The following ITGAD variants were observed in gnomAD, a reference collection of about 807,000 sequenced individuals.
ITGAD encodes the protein integrin alpha-D.
In ITGAD, 105 loss-of-function variants were observed where a neutral mutation model predicts 139.0. The observed-to-expected ratio is 0.76, with a 90% confidence interval of 0.65 to 0.89. ITGAD has a LOEUF of 0.89. ITGAD is among the 40% of genes least tolerant of loss of function. The pLI, the probability that ITGAD is intolerant of heterozygous loss-of-function variation, is 0.00. For synonymous variants in ITGAD, 569 were observed against 598.3 expected (o/e 0.95, Z 0.71); for missense variants, 1,384 against 1,487.3 (o/e 0.93, Z 1.14).
chr16:31,407,041 G>A (rs1360918536), intron 7 of ITGAD, among the ~76,000 whole-genome samples: 1 of 152,162 alleles, frequency 6.6e-6, no homozygotes, highest in African/African-American at 2.4e-5. Flanking sequence ...ATCTAATTAT[G>A]GTTTGTGTGG....
chr16:31,424,181 A>G lies in ITGAD; in HGVS notation c.3239A>G (p.Gln1080Arg), dbSNP rs529191821. 6.2e-7 allele frequency: 1 copy of G among 1,614,260 alleles called. No individual in the cohort carries two copies. Among genetic ancestry groups the G allele is most frequent in the South Asian group, 1.1e-5 (1 of 91,090 alleles). The change falls in exon 28 of 30, where the codon CAG becomes CGG. Residue 1080 changes from glutamine (Q) to arginine (R), a missense_variant. By Grantham distance (43) the Gln-to-Arg change is conservative (BLOSUM62 1). Coordinates refer to ENST00000389202, the MANE Select transcript of ITGAD (RefSeq NM_005353.3). ...DTSVYSQLPG[Q>R]EAFMRAQMEM... is the part of the protein sequence containing the mutation. ...TCCGTGTACTCCCAGCTTCCAGGAC[A>G]GGAGGCATTTATGAGAGCTCAGGTA...
rs775052777 is a variant in ITGAD at position 31,410,786 on chromosome 16, G to A, written c.1264G>A (p.Gly422Arg). Residue 422 changes from glycine (G) to arginine (R), a missense_variant, in exon 12 of 30, where the codon GGG (glycine) becomes AGG (arginine). Gly to Arg is a moderately radical substitution (Grantham distance 125, BLOSUM62 -2). Coordinates refer to ENST00000389202, the MANE Select transcript of ITGAD (RefSeq NM_005353.3). ...LWKGVQNLVL[G>R]APRYQHTGKA... Reference sequence around the variant, plus strand: ...GAAGGGGGTACAGAACCTGGTCCTGGGGGCCCCCCGCTACCAGCATACCGG... The same window carrying A: ...GAAGGGGGTACAGAACCTGGTCCTGAGGGCCCCCCGCTACCAGCATACCGG... The A allele has an allele frequency of 2.5e-6, 4 of 1,613,778 alleles. No homozygotes were observed. In the Admixed American group the frequency reaches 6.7e-5, roughly 27 times the overall value.
At position 31,410,818 on chromosome 16, in the gene ITGAD, T is replaced by G. The variant is rs1201761512; in HGVS notation, c.1296T>G (p.Ala432=). Reference sequence around the variant, plus strand: ...CCCGCTACCAGCATACCGGGAAGGCTGTCATCTTCACCCAGGTGTCCAGGC... The same window carrying G: ...CCCGCTACCAGCATACCGGGAAGGCGGTCATCTTCACCCAGGTGTCCAGGC... ...GAPRYQHTGK[A]VIFTQVSRQW... The change falls in exon 12 of 30, where the codon GCT becomes GCG. Residue 432 remains alanine (A), a synonymous_variant. Transcript: ENST00000389202. 2 of 1,613,512 alleles carry G rather than the reference T, an allele frequency of 1.2e-6. No homozygotes were observed. Among genetic ancestry groups the G allele is most frequent in the Non-Finnish European group, 8.5e-7 (1 of 1,179,872 alleles).
At position 31,393,348 on chromosome 16, in the gene ITGAD, G is replaced by A. The variant is rs376827502; in HGVS notation, c.-13G>A. On this transcript the variant is annotated 5_prime_UTR_variant, in exon 1 of 30. Coordinates refer to ENST00000389202, the MANE Select transcript of ITGAD (RefSeq NM_005353.3). ...CCCCAACCTTCCACTTCCCCTCAAC[G>A]CGCTGCTCAGGGATGACCTTCGGCA... The A allele has an allele frequency of 2.2e-5, 35 of 1,614,070 alleles. No individual in the cohort carries two copies. The African/African-American group carries it at 2.8e-4, about 13-fold the overall frequency.
In ITGAD at chr16:31,393,407, G is replaced by C. The variant is rs771710652; in HGVS notation, c.31+16G>C. ...CTTCTGAGTGGTAAGTGGGGCCAGGGTGCTGGGGAGAAGCTTGGAGGAGTT... is the reference window on the plus strand; with the variant it reads ...CTTCTGAGTGGTAAGTGGGGCCAGGCTGCTGGGGAGAAGCTTGGAGGAGTT... On this transcript the variant is annotated intron_variant, in intron 1 of 29. Transcript: ENST00000389202. 1 of 1,613,982 alleles carries C rather than the reference G, an allele frequency of 6.2e-7. No homozygotes were observed.
Position 31,400,301 on chromosome 16 carries a change from A to G in ITGAD, c.428-1814A>G, listed in dbSNP as rs79712421. ...AGCACCCTTGAAGCACCAGTGGTTGAGCAAGTGGGGTAGGGGAGAGGAAAG... is the reference window on the plus strand; with the variant it reads ...AGCACCCTTGAAGCACCAGTGGTTGGGCAAGTGGGGTAGGGGAGAGGAAAG... On this transcript the variant is annotated intron_variant, in intron 5 of 29. Transcript: ENST00000389202. Among the ~76,000 whole-genome samples, 630 of 152,284 alleles carry G rather than the reference A, an allele frequency of 4.1e-3. 3 individuals are homozygous for G. Among genetic ancestry groups the G allele is most frequent in the African/African-American group, 0.013 (520 of 41,568 alleles).
intron 23 of ITGAD, 66 bp downstream of exon 23, chr16:31,418,630 TC>T: frequency 8.3e-7 from 1 of 1,211,510 alleles, no homozygotes. Flanking sequence ...TCCTTCTGAG[TC>T]CCAGCCTGCT....
chr16:31,409,885 CTG>C (rs1050661736), intron 10 of ITGAD, among the ~76,000 whole-genome samples: 2 of 137,224 alleles, frequency 1.5e-5, no homozygotes, highest in Non-Finnish European at 3.0e-5. Flanking sequence ...GCATCACAGC[CTG>C]TGTGACAGAG....
chr16:31,406,222 G>T (rs753610043), intron 7 of ITGAD, among the ~76,000 whole-genome samples: 1 of 151,936 alleles, frequency 6.6e-6, no homozygotes, highest in Non-Finnish European at 1.5e-5. Context: ...TTACAGGCAC[G>T]CGCCACCATA....
In ITGAD at chr16:31,423,349, C is replaced by A. The variant is rs936216917; in HGVS notation, c.2860-3C>A. ...AATAACACTCTGCCTTGATTTCCTG[C>A]AGGTGAATAACCTCAGCCAGCGAGA... On this transcript the variant is annotated splice_polypyrimidine_tract_variant and splice_region_variant and intron_variant, in intron 24 of 29. Transcript: ENST00000389202. The A allele has an allele frequency of 1.2e-6, 2 of 1,613,088 alleles. No homozygotes were observed. Among genetic ancestry groups the A allele is most frequent in the African/African-American group, 2.7e-5 (2 of 74,972 alleles).
rs541154045 is a variant in ITGAD at position 31,405,478 on chromosome 16, T to C, written c.704+1833T>C. Among the ~76,000 whole-genome samples the C allele has an allele frequency of 2.7e-4, 41 of 152,318 alleles. 1 individual carries two copies. The South Asian group carries it at 8.3e-3, about 31-fold the overall frequency. ...ACAGTATTTTAGTAACATCAAGGGA[T>C]ACTTACAAGTGAATCAATAAATCTC... On this transcript the variant is annotated intron_variant, in intron 7 of 29. Coordinates refer to ENST00000389202, the MANE Select transcript of ITGAD (RefSeq NM_005353.3).
rs1205366594 is a variant in ITGAD at position 31,403,655 on chromosome 16, C to T, written c.704+10C>T. 4 of 1,613,932 alleles carry T rather than the reference C, an allele frequency of 2.5e-6. No homozygotes were observed. Among genetic ancestry groups the T allele is most frequent in the African/African-American group, 2.7e-5 (2 of 74,906 alleles). ...GCATCCTGACAGTGGTGTAAGCAAC[C>T]CCGACCCCAGCCTGGCGATGTGACT... On this transcript the variant is annotated intron_variant, in intron 7 of 29. Coordinates refer to ENST00000389202, the MANE Select transcript of ITGAD (RefSeq NM_005353.3). This position sits in a 1 kb window ranked among gnomAD's most constrained non-coding sequence, Gnocchi z 4.4.
intron 1 of ITGAD, 92 bp from the exon 2 acceptor site, chr16:31,394,144 A>AG: frequency 5.4e-6 from 4 of 744,780 alleles, no homozygotes; most frequent in Non-Finnish European, 6.4e-6. Flanking sequence ...AAAAAAAAAA[A>AG]AAAAAAGAAA....
intron 2 of ITGAD, among the ~76,000 whole-genome samples, chr16:31,395,767 G>A (rs960017528): frequency 2.6e-5 from 4 of 152,042 alleles, no homozygotes; most frequent in Admixed American, 6.6e-5. Context: ...CAGGGAGAGA[G>A]CAGACCCAGG....
At chr16:31,402,003 C>T (rs777874089) in intron 5 of ITGAD, 112 bp from the exon 6 acceptor site, 13 of 1,284,478 alleles carry the variant, frequency 1.0e-5, no homozygotes, top group Admixed American at 3.9e-5. Context: ...AAGGAGGGGT[C>T]GGAAACTAGG....
At chr16:31,416,747 G>T in intron 20 of ITGAD, 101 bp downstream of exon 20, 1 of 1,064,934 alleles carries the variant, frequency 9.4e-7, no homozygotes, top group Non-Finnish European at 1.3e-6. Context: ...GATGATATGT[G>T]CTCTCTCTCT....
intron 7 of ITGAD, 74 bp from the exon 8 acceptor site, chr16:31,407,441 G>A (rs2081565717): frequency 7.2e-7 from 1 of 1,396,006 alleles, no homozygotes; most frequent in African/African-American, 1.4e-5. Flanking sequence ...CTCTCCAGAT[G>A]AGAGGACTGC....
At chr16:31,424,050 T>G in intron 27 of ITGAD, 52 bp from the exon 28 acceptor site, 1 of 1,610,880 alleles carries the variant, frequency 6.2e-7, no homozygotes. Flanking sequence ...CCCCCGAAGC[T>G]CTGAGCCTCC....
chr16:31,416,580 C>T lies in ITGAD; in HGVS notation c.2433C>T (p.Ser811=). 1 of 1,613,880 alleles carries T rather than the reference C, an allele frequency of 6.2e-7. No individual in the cohort carries two copies. The highest frequency in any genetic ancestry group is 8.5e-7 in the Non-Finnish European group (1 of 1,179,832). ...IVTVWNAGED[S]YGTVVSLYYP... is the part of the protein sequence containing the mutation. Reference sequence around the variant, plus strand: ...CTGTGTGGAACGCAGGTGAGGATTCCTACGGAACCGTGGTCAGCCTCTACT... The same window carrying T: ...CTGTGTGGAACGCAGGTGAGGATTCTTACGGAACCGTGGTCAGCCTCTACT... The change falls in exon 20 of 30, where the codon TCC becomes TCT. Residue 811 remains serine (S), a synonymous_variant. Transcript: ENST00000389202.
Sources: allele counts gnomAD v4.1 joint callset (sites outside exome capture counted in the v4.1 genomes callset), GRCh38; gene constraint gnomAD v4.1.1; non-coding constraint Gnocchi (gnomAD v3.1); transcripts MANE v1.5; gene names NCBI Gene and HGNC (gene_info 2026-07-23, HGNC 2026-07-21).